Variants in EML6 observed in about 807,000 individuals in gnomAD.
EML6 encodes EMAP like 6.
EML6 carries 154 observed loss-of-function variants against 240.1 expected under a neutral mutation model. The ratio of observed to expected loss-of-function variants is 0.64; its 90% CI spans 0.56 to 0.73. The LOEUF (loss-of-function observed/expected upper bound fraction) is 0.73, where lower values mean the gene tolerates loss of function less well. Ranked by LOEUF, EML6 falls within the 30% of genes least tolerant of loss-of-function variation. The probability of loss-of-function intolerance (pLI) is 0.00; values close to 1 mark genes in which losing one functional copy is unlikely to be tolerated. For missense variants in EML6, 2,964 were observed against 2,474.6 expected, an observed-to-expected ratio of 1.20 and a Z score of -4.20; for synonymous variants, 1,148 against 899.0, an observed-to-expected ratio of 1.28 and a Z score of -4.95.
chr2:54,833,265 T>TC (rs778940983), intron 7 of EML6, among the ~76,000 whole-genome samples: 21 of 152,236 alleles, frequency 1.4e-4, no homozygotes, highest in Non-Finnish European at 2.6e-4. Flanking sequence ...CCTGTAGACA[T>TC]CTATAAGATT....
chr2:54,933,141 G>C lies in EML6; in HGVS notation c.4004+4390G>C, dbSNP rs144027034. On this transcript the variant is annotated intron_variant, in intron 28 of 41. Coordinates refer to ENST00000356458, the MANE Select transcript of EML6 (RefSeq NM_001039753.4). ...TTATAGTCTCTGTGGTTCAAAATCA[G>C]TAGGAAAGAACTGCCTCTGATTCAC... 5.5e-3 allele frequency among the ~76,000 whole-genome samples: 833 copies of C among 152,246 alleles called. 7 individuals carry two copies. Among genetic ancestry groups the C allele is most frequent in the Non-Finnish European group, 7.6e-3 (515 of 68,014 alleles).
chr2:54,957,277 G>C (rs1676272616), intron 32 of EML6, among the ~76,000 whole-genome samples: 1 of 143,254 alleles, frequency 7.0e-6, no homozygotes, highest in African/African-American at 2.6e-5. Flanking sequence ...TACTTAAAAG[G>C]TAAAAAAATT....
chr2:54,953,392 A>G (rs879135855), intron 31 of EML6, among the ~76,000 whole-genome samples: 1 of 152,188 alleles, frequency 6.6e-6, no homozygotes, highest in Non-Finnish European at 1.5e-5. Context: ...TGCTGATTGT[A>G]TCTTGCCGAA....
chr2:54,889,738 C>G (rs954715792), intron 17 of EML6, among the ~76,000 whole-genome samples: 1 of 152,128 alleles, frequency 6.6e-6, no homozygotes, highest in Non-Finnish European at 1.5e-5. Context: ...TTTAGCTCTT[C>G]CATTCCAGCT....
At chr2:54,819,355 G>A (rs578067821) in intron 4 of EML6, among the ~76,000 whole-genome samples, 9 of 152,168 alleles carry the variant, frequency 5.9e-5, no homozygotes, top group Non-Finnish European at 1.2e-4. Flanking sequence ...GAGCATCTCA[G>A]ATGGGCCCTG....
intron 7 of EML6, among the ~76,000 whole-genome samples, chr2:54,834,588 A>C (rs1218641886): frequency 1.3e-5 from 2 of 152,220 alleles, no homozygotes; most frequent in Non-Finnish European, 2.9e-5. Context: ...TACTTCAGTC[A>C]AGATTATATT....
chr2:54,814,082 C>G (rs1667977396), intron 3 of EML6, among the ~76,000 whole-genome samples: 1 of 152,210 alleles, frequency 6.6e-6, no homozygotes, highest in Admixed American at 6.5e-5. Flanking sequence ...TTGTTTAAAA[C>G]CAATAAGAGC....
chr2:54,793,615 T>A (rs1558553198), intron 2 of EML6, among the ~76,000 whole-genome samples: 1 of 152,106 alleles, frequency 6.6e-6, no homozygotes, highest in East Asian at 1.9e-4. Context: ...CTACCAAATA[T>A]CTATTCTTCC....
At chr2:54,966,925 G>C (rs912989889) in intron 38 of EML6, 75 bp from the exon 39 acceptor site, 10 of 946,584 alleles carry the variant, frequency 1.1e-5, no homozygotes, top group African/African-American at 1.6e-5. Context: ...GCAGTGTTCT[G>C]GGAAACTGTG....
At chr2:54,850,886 C>T (rs1044862245) in intron 10 of EML6, among the ~76,000 whole-genome samples, 2 of 152,150 alleles carry the variant, frequency 1.3e-5, no homozygotes, top group African/African-American at 4.8e-5. Flanking sequence ...TAAACTAGAG[C>T]TACTTGCATC....
intron 17 of EML6, chr2:54,881,341 G>C (rs1222822400): frequency 2.0e-5 from 3 of 152,096 alleles, no homozygotes; most frequent in African/African-American, 7.2e-5. Flanking sequence ...GCCTTAGAGT[G>C]CTTAAGTAGA....
intron 2 of EML6, among the ~76,000 whole-genome samples, chr2:54,789,526 AAAAAAAAAAAAAAAAAAAAAAAG>A (rs1269371351): frequency 1.3e-4 from 17 of 126,518 alleles, no homozygotes; most frequent in Non-Finnish European, 3.1e-5. Context: ...AAAAAAAAAA[AAAAAAAAAAAAAAAAAAAAAAAG>A]AAAAAGAATG....
chr2:54,815,630 C>T (rs1050238371), intron 3 of EML6, among the ~76,000 whole-genome samples: 5 of 152,196 alleles, frequency 3.3e-5, no homozygotes, highest in East Asian at 3.9e-4. Context: ...ATCTTGTTTC[C>T]ATTGCTGAAA....
At chr2:54,816,673 C>A (rs1668095051) in intron 3 of EML6, 114 bp from the exon 4 acceptor site, 4 of 781,712 alleles carry the variant, frequency 5.1e-6, no homozygotes, top group Non-Finnish European at 8.4e-6. Context: ...TTTGAGAAAT[C>A]GGTTTGTTAT....
At chr2:54,883,952 G>A (rs1429416597) in intron 17 of EML6, among the ~76,000 whole-genome samples, 1 of 152,182 alleles carries the variant, frequency 6.6e-6, no homozygotes, top group African/African-American at 2.4e-5. Flanking sequence ...CAAACTCAAA[G>A]TGCTTTTTCC....
intron 2 of EML6, among the ~76,000 whole-genome samples, chr2:54,763,372 A>C (rs1668056367): frequency 6.6e-6 from 1 of 152,228 alleles, no homozygotes; most frequent in South Asian, 2.1e-4. Flanking sequence ...GTTTACATTC[A>C]GTTTTAGGCT....
chr2:54,857,145 G>T (rs997742551), intron 11 of EML6, among the ~76,000 whole-genome samples: 2 of 152,228 alleles, frequency 1.3e-5, no homozygotes, highest in Non-Finnish European at 2.9e-5. Context: ...ATAAGGGGAA[G>T]AGGAATGTCT....
At chr2:54,834,871 G>T (rs1031721150) in intron 7 of EML6, among the ~76,000 whole-genome samples, 1 of 152,092 alleles carries the variant, frequency 6.6e-6, no homozygotes, top group Non-Finnish European at 1.5e-5. Context: ...TTCCTGCTTC[G>T]ACCACCATCC....
chr2:54,881,975 C>T (rs755540635), intron 17 of EML6: 104 of 152,352 alleles, frequency 6.8e-4, no homozygotes, highest in East Asian at 9.6e-4. Flanking sequence ...GTGGTGGCAT[C>T]GTCAGCTGTG....
Sources: gnomAD v4.1 joint callset for allele counts (sites outside exome capture counted in the v4.1 genomes callset) on GRCh38, gnomAD v4.1.1 for gene constraint, MANE v1.5 for transcripts, NCBI Gene and HGNC (gene_info 2026-07-23, HGNC 2026-07-21) for gene names.